Variants in MYO16 observed in about 807,000 individuals in gnomAD.
MYO16 encodes myosin XVI, also known as unconventional myosin-XVI.
MYO16 carries 94 observed loss-of-function variants against 205.3 expected under a neutral mutation model. That is an observed-to-expected ratio of 0.46 (90% CI 0.39 to 0.54). MYO16 has a LOEUF of 0.54. Ranked by LOEUF, MYO16 falls within the 20% of genes least tolerant of loss-of-function variation. The pLI is 0.00. For missense variants in MYO16, 2,315 were observed against 2,387.5 expected (o/e 0.97, Z 0.63); for synonymous variants, 988 against 954.0 (o/e 1.04, Z -0.66).
chr13:109,022,648 CAT>C lies in MYO16; in HGVS notation c.2796+2740_2796+2741del, dbSNP rs1226694510. 4.2e-4 allele frequency among the ~76,000 whole-genome samples: 53 copies of C among 124,932 alleles called. 3 individuals carry two copies. The highest frequency in any genetic ancestry group is 5.1e-4 in the South Asian group (2 of 3,938). The allele number at this position is 124,932 out of a possible 152,430, so 82.0% of individuals were successfully genotyped here. ...TATATATTATATATATGCATATAAACATATGTATATATTTATATATTATATAT... is the reference window on the plus strand; with the variant it reads ...TATATATTATATATATGCATATAAACATGTATATATTTATATATTATATAT... On this transcript the variant is annotated intron_variant, in intron 23 of 34. Transcript: ENST00000457511.
chr13:108,883,337 C>A, intron 13 of MYO16, 151 bp downstream of exon 13: 1 of 1,006,324 alleles, frequency 9.9e-7, no homozygotes, highest in Non-Finnish European at 1.4e-6. Context: ...TGACTCGTTA[C>A]AAAGGAGAAA....
intron 4 of MYO16, among the ~76,000 whole-genome samples, chr13:108,736,569 G>A (rs1884708838): frequency 6.6e-6 from 1 of 152,182 alleles, no homozygotes; most frequent in South Asian, 2.1e-4. Flanking sequence ...TTTGAAGTCA[G>A]GTAGCGTGAT....
intron 6 of MYO16, 79 bp downstream of exon 6, chr13:108,793,719 T>G: frequency 7.2e-7 from 1 of 1,395,718 alleles, no homozygotes; most frequent in Non-Finnish European, 9.7e-7. Context: ...TTCATTAAAT[T>G]AACCTTTAAA....
intron 28 of MYO16, among the ~76,000 whole-genome samples, chr13:109,106,948 T>C (rs2139728038): frequency 6.6e-6 from 1 of 152,288 alleles, no homozygotes; most frequent in African/African-American, 2.4e-5. Context: ...ATCTTAACCT[T>C]AGAGATAACA....
intron 2 of MYO16, among the ~76,000 whole-genome samples, chr13:108,711,755 G>A (rs975001442): frequency 6.6e-6 from 1 of 152,378 alleles, no homozygotes; most frequent in African/African-American, 2.4e-5. Flanking sequence ...AAGTTAATGG[G>A]AAGACAGTAT....
At chr13:109,045,245 C>G (rs1887003073) in intron 23 of MYO16, among the ~76,000 whole-genome samples, 1 of 152,152 alleles carries the variant, frequency 6.6e-6, no homozygotes, top group South Asian at 2.1e-4. Context: ...CCAGATAACT[C>G]CACGCTGTGG....
At chr13:108,825,426 A>G (rs879831554) in intron 9 of MYO16, among the ~76,000 whole-genome samples, 2 of 151,244 alleles carry the variant, frequency 1.3e-5, no homozygotes, top group Non-Finnish European at 1.5e-5. Context: ...AAAATAAAAA[A>G]AAGAAACAAA....
At chr13:108,801,367 T>G (rs1342612775) in intron 6 of MYO16, among the ~76,000 whole-genome samples, 1 of 152,210 alleles carries the variant, frequency 6.6e-6, no homozygotes, top group African/African-American at 2.4e-5. Context: ...TGTAGGTGAA[T>G]TGGTACATTC....
rs1158966516 is a variant in MYO16, at chr13:109,120,277, C to T, written c.3439-93C>T. On this transcript the variant is annotated intron_variant, in intron 28 of 34. Coordinates refer to ENST00000457511, the MANE Select transcript of MYO16 (RefSeq NM_001198950.3). Reference sequence around the variant, plus strand: ...ATTTTCTGAGTTTGTTTCTTCTAATCCTCTGCTGGAAAAATATTTTGTCTG... The same window carrying T: ...ATTTTCTGAGTTTGTTTCTTCTAATTCTCTGCTGGAAAAATATTTTGTCTG... 9.6e-6 allele frequency: 8 copies of T among 837,472 alleles called. No individual in the cohort carries two copies. In the African/African-American group the frequency reaches 1.4e-4, roughly 14 times the overall value. The allele number at this position is 837,472 out of a possible 1,614,324, so 51.9% of individuals were successfully genotyped here. A position where few individuals can be genotyped will look rare whatever the true frequency, so the allele number is the denominator to read the frequency against.
chr13:108,992,334 T>A, intron 20 of MYO16, 42 bp from the exon 21 acceptor site: 2 of 1,466,854 alleles, frequency 1.4e-6, no homozygotes, highest in Non-Finnish European at 1.9e-6. Flanking sequence ...ATGAAGGAGT[T>A]TTAAGGATGC....
At chr13:109,099,948 T>G (rs569629160) in intron 27 of MYO16, among the ~76,000 whole-genome samples, 22 of 152,356 alleles carry the variant, frequency 1.4e-4, no homozygotes, top group African/African-American at 5.0e-4. Flanking sequence ...GACTTCAGCT[T>G]TGGCATTGCG....
rs548395749 is a variant in MYO16 at position 108,621,597 on chromosome 13, G to C, written c.-39+25358G>C. 3.3e-5 allele frequency among the ~76,000 whole-genome samples: 5 copies of C among 152,006 alleles called. No individual in the cohort carries two copies. The South Asian group carries it at 1.0e-3, about 32-fold the overall frequency. On this transcript the variant is annotated intron_variant, in intron 1 of 24. Transcript: ENST00000251041. Reference sequence around the variant, plus strand: ...TTCCTGCTCGTTAATCATCCACGTCGTCTACTCCTGACATCCAGTCATCGA... The same window carrying C: ...TTCCTGCTCGTTAATCATCCACGTCCTCTACTCCTGACATCCAGTCATCGA...
chr13:108,551,677 G>T, the MYO16 span, among the ~76,000 whole-genome samples: 1 of 152,020 alleles, frequency 6.6e-6, no homozygotes, highest in African/African-American at 2.4e-5. Flanking sequence ...TTGCCCAGGG[G>T]ATAAATTTTC....
chr13:108,944,065 A>C (rs548375820), intron 16 of MYO16, among the ~76,000 whole-genome samples: 1 of 152,226 alleles, frequency 6.6e-6, no homozygotes, highest in Non-Finnish European at 1.5e-5. Flanking sequence ...AACACAGCAC[A>C]GCACATGAGG....
chr13:108,813,770 T>C (rs551082305), intron 7 of MYO16, among the ~76,000 whole-genome samples: 1 of 152,286 alleles, frequency 6.6e-6, no homozygotes, highest in African/African-American at 2.4e-5. Context: ...TATGAAATTC[T>C]TTTAATAGCA....
At chr13:109,164,683 A>T (rs1177052649) in intron 32 of MYO16, among the ~76,000 whole-genome samples, 3 of 152,218 alleles carry the variant, frequency 2.0e-5, no homozygotes, top group African/African-American at 7.2e-5. Flanking sequence ...TGAATGCAAC[A>T]AATTATTGTT....
rs767383778 is a variant in MYO16, at chr13:109,206,574, G to A, written c.5416-35G>A. 33 of 1,490,172 alleles carry A rather than the reference G, an allele frequency of 2.2e-5. No homozygotes were observed. The South Asian group carries it at 3.3e-4, about 15-fold the overall frequency. 92.3% of individuals were successfully genotyped at this position (1,490,172 alleles called of 1,614,324 possible). Reference sequence around the variant, plus strand: ...TTCATACTCATTCACAATATTTGGTGCTACCTGTTTTTTCTGCCCCTCTTC... The same window carrying A: ...TTCATACTCATTCACAATATTTGGTACTACCTGTTTTTTCTGCCCCTCTTC... On this transcript the variant is annotated intron_variant, in intron 34 of 34. Coordinates refer to ENST00000457511, the MANE Select transcript of MYO16 (RefSeq NM_001198950.3).
At chr13:108,614,841 T>G (rs1201626382) in intron 1 of MYO16, among the ~76,000 whole-genome samples, 1 of 151,552 alleles carries the variant, frequency 6.6e-6, no homozygotes, top group African/African-American at 2.4e-5. Context: ...TGGAACTAAA[T>G]GCAGTGGCTA....
the MYO16 span, among the ~76,000 whole-genome samples, chr13:108,548,265 G>A: frequency 0.016 from 2,358 of 149,200 alleles, 31 homozygotes; most frequent in Middle Eastern, 0.036. Flanking sequence ...GTGGGAATGA[G>A]AGTTAGGATG....
Sources: allele counts gnomAD v4.1 joint callset (sites outside exome capture counted in the v4.1 genomes callset), GRCh38; gene constraint gnomAD v4.1.1; transcripts MANE v1.5; gene names NCBI Gene and HGNC (gene_info 2026-07-23, HGNC 2026-07-21).